Variants in CCSER1 observed in about 807,000 individuals in gnomAD.
CCSER1 encodes coiled-coil serine rich protein 1.
Under a neutral mutation model 82.0 loss-of-function variants are expected in CCSER1, and 41 were observed. That is an observed-to-expected ratio of 0.50 (90% CI 0.39 to 0.65). CCSER1 has a LOEUF of 0.65. CCSER1 is among the 30% of genes least tolerant of loss of function. The pLI, the probability that CCSER1 is intolerant of heterozygous loss-of-function variation, is 0.00. For missense variants in CCSER1, 1,119 were observed against 1,064.2 expected (o/e 1.05, Z -0.72); for synonymous variants, 414 against 383.9 (o/e 1.08, Z -0.92).
intron 6 of CCSER1, among the ~76,000 whole-genome samples, chr4:90,635,956 A>G (rs1049086129): frequency 6.6e-6 from 1 of 151,918 alleles, no homozygotes; most frequent in South Asian, 2.1e-4. Context: ...CAAACGAAGC[A>G]TGTAGAAAGA....
At chr4:90,193,357 A>G (rs1312941008) in intron 1 of CCSER1, among the ~76,000 whole-genome samples, 1 of 152,110 alleles carries the variant, frequency 6.6e-6, no homozygotes, top group Non-Finnish European at 1.5e-5. Context: ...CGTACTTCAC[A>G]TATTATAGTA....
intron 1 of CCSER1, among the ~76,000 whole-genome samples, chr4:90,160,757 A>C (rs904486813): frequency 5.3e-5 from 8 of 152,204 alleles, no homozygotes; most frequent in African/African-American, 1.4e-4. Context: ...AATAGAATGT[A>C]GACCTCTAGA....
At chr4:90,475,061 C>CA (rs1483903663) in intron 5 of CCSER1, among the ~76,000 whole-genome samples, 1 of 152,112 alleles carries the variant, frequency 6.6e-6, no homozygotes, top group African/African-American at 2.4e-5. Flanking sequence ...CACACACACA[C>CA]ACACATAAAT....
chr4:90,742,153 G>A (rs561350735), intron 7 of CCSER1, among the ~76,000 whole-genome samples: 3 of 152,110 alleles, frequency 2.0e-5, no homozygotes, highest in Non-Finnish European at 4.4e-5. Flanking sequence ...CAGATTTTGA[G>A]AGAACTCTGT....
chr4:91,564,574 A>G (rs914418855), intron 10 of CCSER1, among the ~76,000 whole-genome samples: 1 of 151,920 alleles, frequency 6.6e-6, no homozygotes, highest in Admixed American at 6.6e-5. Context: ...TGACTTTTTC[A>G]TAATTAGCCC....
At chr4:90,965,961 A>G (rs1179138569) in intron 9 of CCSER1, among the ~76,000 whole-genome samples, 3 of 152,152 alleles carry the variant, frequency 2.0e-5, no homozygotes, top group African/African-American at 4.8e-5. Context: ...TGAAAAGTAT[A>G]GTAACTGAAA....
chr4:91,579,433 TC>T (rs1326247736), intron 10 of CCSER1, among the ~76,000 whole-genome samples: 1 of 151,636 alleles, frequency 6.6e-6, no homozygotes, highest in East Asian at 1.9e-4. Context: ...CTTAGTTAAC[TC>T]ACCATAGGAA....
At chr4:91,033,616 A>ACGCTAT (rs1279737257) in intron 9 of CCSER1, among the ~76,000 whole-genome samples, 1 of 152,118 alleles carries the variant, frequency 6.6e-6, no homozygotes, top group Non-Finnish European at 1.5e-5. Context: ...TTTTCTACTC[A>ACGCTAT]CGCTATCATG....
At chr4:91,060,674 G>GT (rs1743880071) in intron 9 of CCSER1, among the ~76,000 whole-genome samples, 1 of 151,846 alleles carries the variant, frequency 6.6e-6, no homozygotes, top group Admixed American at 6.6e-5. Flanking sequence ...CTAAAGTTAG[G>GT]TTTTCTGTAC....
At chr4:90,918,636 G>GATATAT (rs1289158974) in intron 8 of CCSER1, among the ~76,000 whole-genome samples, 100 of 150,274 alleles carry the variant, frequency 6.7e-4, no homozygotes, top group Admixed American at 2.6e-3. Context: ...TCATTCAAGA[G>GATATAT]AGATATATAT....
intron 1 of CCSER1, among the ~76,000 whole-genome samples, chr4:90,287,602 A>G (rs188369784): frequency 2.0e-5 from 3 of 152,082 alleles, no homozygotes; most frequent in Admixed American, 6.6e-5. Flanking sequence ...TTCATTCAAC[A>G]TAATGCCATG....
At chr4:90,563,744 C>T (rs948052099) in intron 5 of CCSER1, among the ~76,000 whole-genome samples, 2 of 152,228 alleles carry the variant, frequency 1.3e-5, no homozygotes, top group South Asian at 2.1e-4. Context: ...CTACAGTAAA[C>T]GTGTGATGCA....
intron 1 of CCSER1, among the ~76,000 whole-genome samples, chr4:90,256,782 G>A (rs1723369369): frequency 6.6e-6 from 1 of 151,968 alleles, no homozygotes; most frequent in African/African-American, 2.4e-5. Context: ...TGCTTTCCAC[G>A]ACTTAAGTTA....
intron 7 of CCSER1, among the ~76,000 whole-genome samples, chr4:90,787,682 A>C (rs1037985700): frequency 4.6e-5 from 7 of 152,272 alleles, no homozygotes; most frequent in South Asian, 2.1e-4. Context: ...TTACAACTTG[A>C]TTATGTGTGA....
intron 8 of CCSER1, among the ~76,000 whole-genome samples, chr4:90,884,716 C>T (rs1721861870): frequency 6.6e-6 from 1 of 151,934 alleles, no homozygotes; most frequent in Non-Finnish European, 1.5e-5. Flanking sequence ...TAAAGAGTAC[C>T]TACCAAATGT....
At chr4:91,598,472 T>C in intron 10 of CCSER1, 100 bp from the exon 11 acceptor site, 1 of 1,255,806 alleles carries the variant, frequency 8.0e-7, no homozygotes, top group East Asian at 2.6e-5. Context: ...ATTGAAAATT[T>C]ACGGGTTCAG....
chr4:90,868,400 G>C (rs1011457851), intron 8 of CCSER1, among the ~76,000 whole-genome samples: 2 of 151,914 alleles, frequency 1.3e-5, no homozygotes, highest in Non-Finnish European at 2.9e-5. Flanking sequence ...CTATCTCGAT[G>C]AGGTCAATTT....
intron 9 of CCSER1, among the ~76,000 whole-genome samples, chr4:91,050,430 C>CAAA (rs141375504): frequency 0.022 from 3,047 of 140,946 alleles, 104 homozygotes; most frequent in African/African-American, 0.069. Flanking sequence ...GACTCTGTCT[C>CAAA]AAAAAAAAAA....
intron 6 of CCSER1, among the ~76,000 whole-genome samples, chr4:90,673,020 T>G (rs764408202): frequency 2.0e-5 from 3 of 151,884 alleles, no homozygotes; most frequent in Non-Finnish European, 4.4e-5. Context: ...AATAATAATT[T>G]TAAAACTTTG....
Sources: gnomAD v4.1 joint callset for allele counts (sites outside exome capture counted in the v4.1 genomes callset) on GRCh38, gnomAD v4.1.1 for gene constraint, MANE v1.5 for transcripts, NCBI Gene and HGNC (gene_info 2026-07-23, HGNC 2026-07-21) for gene names.